FOSB: variants seen among roughly 807,000 people sequenced by gnomAD.
FOSB encodes the protein protein FosB.
FOSB carries 8 observed loss-of-function variants against 31.1 expected under a neutral mutation model. That is an observed-to-expected ratio of 0.26 (90% confidence interval 0.15 to 0.46). The LOEUF (loss-of-function observed/expected upper bound fraction) is 0.46, where lower values mean the gene tolerates loss of function less well. Ranked by LOEUF, FOSB falls within the 20% of genes least tolerant of loss-of-function variation. The pLI is 0.99. For missense variants in FOSB, 376 were observed against 460.6 expected (o/e 0.82, Z 1.68); for synonymous variants, 214 against 206.1 (o/e 1.04, Z -0.33).
Position 45,472,765 on chromosome 19 carries a change from C to A in FOSB, c.770C>A (p.Pro257Gln). ...GAAGATGGCTTCAGCTGGCTGCTGC[C>A]GCCCCCGCCACCACCGCCCCTGCCC... The part of the protein sequence containing the change: ...AKEDGFSWLL[P>Q]PPPPPPLPFQ... The change falls in exon 4 of 4, where the codon CCG becomes CAG. Residue 257 changes from proline (P) to glutamine (Q), a missense_variant. Transcript: ENST00000353609. The surrounding 1 kb of genome is among the most constrained non-coding windows in gnomAD (Gnocchi z 5.4). 1 of 1,613,846 alleles carries A rather than the reference C, an allele frequency of 6.2e-7. No homozygotes were observed. Among genetic ancestry groups the A allele is most frequent in the South Asian group, 1.1e-5 (1 of 91,068 alleles).
At chr19:45,469,175 G>T (rs1219506555) in intron 1 of FOSB, among the ~76,000 whole-genome samples, 1 of 152,220 alleles carries the variant, frequency 6.6e-6, no homozygotes, top group Non-Finnish European at 1.5e-5. Flanking sequence ...GGGAAGAGGG[G>T]CCTCGAACCC....
chr19:45,470,135 C>A (rs779115065), intron 1 of FOSB: 4 of 162,260 alleles, frequency 2.5e-5, no homozygotes, highest in Non-Finnish European at 5.4e-5. Context: ...TTGACTGGGA[C>A]CCCCGCCCCT....
In FOSB at chr19:45,470,896, C is replaced by T. The variant is rs756210224; in HGVS notation, c.394C>T (p.Pro132Ser). The change falls in exon 2 of 4, where the codon CCT (proline) becomes TCT (serine). Residue 132 changes from proline (P) to serine (S), a missense_variant. This residue lies in a region of FOSB where 193 missense variants were observed against 207.1 expected (regional missense o/e 0.93). Coordinates refer to ENST00000353609, the MANE Select transcript of FOSB (RefSeq NM_006732.3). Reference sequence around the variant, plus strand: ...TTCCACCAGCGGAACTACCAGTGGGCCTGGGCCTGCCCGCCCAGCCCGAGC... The same window carrying T: ...TTCCACCAGCGGAACTACCAGTGGGTCTGGGCCTGCCCGCCCAGCCCGAGC... ...GPSTSGTTSG[P>S]GPARPARARP... is the part of the protein sequence containing the mutation. The T allele has an allele frequency of 1.2e-6, 2 of 1,613,596 alleles. No individual in the cohort carries two copies. Among genetic ancestry groups the T allele is most frequent in the Admixed American group, 1.7e-5 (1 of 59,998 alleles).
rs1967492372 is a variant in FOSB, at chr19:45,468,365, C to G, written c.-222C>G. On this transcript the variant is annotated 5_prime_UTR_variant, in exon 1 of 4. Transcript: ENST00000353609. The surrounding 1 kb of genome is among the most constrained non-coding windows in gnomAD (Gnocchi z 4.8). Reference sequence around the variant, plus strand: ...AGGTACAGCGGCATCCTGTGGGGGCCTGGGCACCGCAGGAAGACTGCACAG... The same window carrying G: ...AGGTACAGCGGCATCCTGTGGGGGCGTGGGCACCGCAGGAAGACTGCACAG... The G allele has an allele frequency of 1.9e-6, 1 of 530,332 alleles. No individual in the cohort carries two copies. The highest frequency in any genetic ancestry group is 2.0e-5 in the African/African-American group (1 of 51,168). 32.9% of individuals were successfully genotyped at this position (530,332 alleles called of 1,614,324 possible).
chr19:45,470,472 G>C, intron 1 of FOSB, 157 bp from the exon 2 acceptor site: 1 of 695,100 alleles, frequency 1.4e-6, no homozygotes, highest in Admixed American at 2.5e-5. Flanking sequence ...GTAGTGGAAG[G>C]GTGGGTGTTG....
rs1389172962 is a variant in FOSB, at chr19:45,472,697, G to T, written c.702G>T (p.Pro234=). ...IPYEEGPGPG[P]LAEVRDLPGS... ...ACGAAGAGGGGCCCGGGCCGGGCCC[G>T]CTGGCGGAGGTGAGAGATTTGCCGG... Residue 234 remains proline, a synonymous_variant, in exon 4 of 4, where the codon CCG becomes CCT. Coordinates refer to ENST00000353609, the MANE Select transcript of FOSB (RefSeq NM_006732.3). The surrounding 1 kb of genome is among the most constrained non-coding windows in gnomAD (Gnocchi z 5.4). 4 of 1,608,210 alleles carry T rather than the reference G, an allele frequency of 2.5e-6. No individual in the cohort carries two copies. The highest frequency in any genetic ancestry group is 2.2e-5 in the South Asian group (2 of 90,574).
In FOSB at chr19:45,473,069, G is replaced by C. The variant is rs915065325; in HGVS notation, c.*57G>C. 2.7e-6 allele frequency: 4 copies of C among 1,486,654 alleles called. No homozygotes were observed. Among genetic ancestry groups the C allele is most frequent in the African/African-American group, 1.4e-5 (1 of 72,600 alleles). The allele number at this position is 1,486,654 out of a possible 1,614,324, so 92.1% of individuals were successfully genotyped here. A position where few individuals can be genotyped will look rare whatever the true frequency, so the allele number is the denominator to read the frequency against. The stretch of plus-strand genomic sequence containing the variant: ...TGGGGGAGAGAGACTTGGAAGAGGA[G>C]GAGGAGGAGGAGAAGGAGGAGAGAG... On this transcript the variant is annotated 3_prime_UTR_variant, in exon 4 of 4. Coordinates refer to ENST00000353609, the MANE Select transcript of FOSB (RefSeq NM_006732.3).
At position 45,468,429 on chromosome 19, in the gene FOSB, C is replaced by A. The variant is rs1196209686; in HGVS notation, c.-158C>A. 1.6e-5 allele frequency: 12 copies of A among 771,240 alleles called. No individual in the cohort carries two copies. The highest frequency in any genetic ancestry group is 2.3e-5 in the Non-Finnish European group (11 of 474,910). 47.8% of individuals were successfully genotyped at this position (771,240 alleles called of 1,614,324 possible). On this transcript the variant is annotated 5_prime_UTR_variant, in exon 1 of 4. Transcript: ENST00000353609. This position sits in a 1 kb window ranked among gnomAD's most constrained non-coding sequence, Gnocchi z 4.8. ...GTTGGAACGGGACGTTGCTCCTTCC[C>A]CGAGCTTCCCCGGACAGCGTACTTT...
chr19:45,470,234 C>T (rs1173935837), intron 1 of FOSB: 1 of 233,020 alleles, frequency 4.3e-6, no homozygotes, highest in East Asian at 1.0e-4. Flanking sequence ...CTCCCCTTGC[C>T]TCTGGGGTGG....
At chr19:45,471,578 A>G in intron 3 of FOSB, 1 of 320,124 alleles carries the variant, frequency 3.1e-6, no homozygotes, top group Non-Finnish European at 5.8e-6. Context: ...CCTTGAGGAG[A>G]GGGGCGCCCC....
At position 45,468,021 on chromosome 19, in the gene FOSB, A is replaced by G. The variant is rs1231640036; in HGVS notation, c.-566A>G. 1.3e-5 allele frequency: 2 copies of G among 152,236 alleles called. No homozygotes were observed. The highest frequency in any genetic ancestry group is 2.9e-5 in the Non-Finnish European group (2 of 68,050). The allele number at this position is 152,236 out of a possible 1,614,324, so 9.4% of individuals were successfully genotyped here. A position where few individuals can be genotyped will look rare whatever the true frequency, so the allele number is the denominator to read the frequency against. On this transcript the variant is annotated 5_prime_UTR_variant, in exon 1 of 4. Transcript: ENST00000353609. This position sits in a 1 kb window ranked among gnomAD's most constrained non-coding sequence, Gnocchi z 4.8. ...ATTCATAAGACTCAGAGCTACGGCC[A>G]CGGCAGGGACACGCGGAACCAAGAC... is the stretch of plus-strand genomic sequence containing the variant.
Position 45,472,903 on chromosome 19 carries a change from C to T in FOSB, c.908C>T (p.Ser303Leu). The change falls in exon 4 of 4, where the codon TCG becomes TTG. Residue 303 changes from serine (S) to leucine (L), a missense_variant. By Grantham distance (145) the Ser-to-Leu change is moderately radical (BLOSUM62 -2). Coordinates refer to ENST00000353609, the MANE Select transcript of FOSB (RefSeq NM_006732.3). The surrounding 1 kb of genome is among the most constrained non-coding windows in gnomAD (Gnocchi z 5.4). Reference protein sequence around the residue: ...FPVVNPSYTSSFVLTCPEVSA... With the variant: ...FPVVNPSYTSLFVLTCPEVSA... ...GTTGTTAACCCTTCGTACACTTCTT[C>T]GTTTGTCCTCACCTGCCCGGAGGTC... is the stretch of plus-strand genomic sequence containing the variant. The T allele has an allele frequency of 6.2e-7, 1 of 1,614,188 alleles. No homozygotes were observed. The highest frequency in any genetic ancestry group is 8.5e-7 in the Non-Finnish European group (1 of 1,180,038).
At chr19:45,471,346 T>C (rs1362792672) in intron 3 of FOSB, 45 bp downstream of exon 3, 5 of 1,328,276 alleles carry the variant, frequency 3.8e-6, no homozygotes, top group Non-Finnish European at 5.3e-6. Flanking sequence ...TGAGGGGAGC[T>C]CTCTCCCCAT....
At chr19:45,471,550 CA>C (rs978369774) in intron 3 of FOSB, 12 of 341,588 alleles carry the variant, frequency 3.5e-5, no homozygotes, top group Non-Finnish European at 6.5e-5. Flanking sequence ...CATTTCATCC[CA>C]AGGGGCCACA....
In FOSB at chr19:45,472,517, T is replaced by C. The variant is rs1003739347; in HGVS notation, c.556-34T>C. The C allele has an allele frequency of 3.4e-6, 5 of 1,461,834 alleles. No individual in the cohort carries two copies. The highest frequency in any genetic ancestry group is 3.6e-6 in the Non-Finnish European group (4 of 1,100,218). The allele number at this position is 1,461,834 out of a possible 1,614,324, so 90.6% of individuals were successfully genotyped here. A position where few individuals can be genotyped will look rare whatever the true frequency, so the allele number is the denominator to read the frequency against. ...CTGACATGCTTTTTTCTCCTTCCTCTCTCTCTTCTGTGACCTGGCCTCCCT... is the reference window on the plus strand; with the variant it reads ...CTGACATGCTTTTTTCTCCTTCCTCCCTCTCTTCTGTGACCTGGCCTCCCT... On this transcript the variant is annotated intron_variant, in intron 3 of 3. Coordinates refer to ENST00000353609, the MANE Select transcript of FOSB (RefSeq NM_006732.3). The surrounding 1 kb of genome is among the most constrained non-coding windows in gnomAD (Gnocchi z 5.4).
At position 45,472,665 on chromosome 19, in the gene FOSB, A is replaced by G; in HGVS notation, c.670A>G (p.Ile224Val). 1 of 1,599,738 alleles carries G rather than the reference A, an allele frequency of 6.3e-7. No homozygotes were observed. Among genetic ancestry groups the G allele is most frequent in the Non-Finnish European group, 8.5e-7 (1 of 1,173,944 alleles). Residue 224 changes from isoleucine (I) to valine (V), a missense_variant, in exon 4 of 4, where the codon ATC (isoleucine) becomes GTC (valine). This residue lies in a region of FOSB where 148 missense variants were observed against 170.0 expected (regional missense o/e 0.87). Transcript: ENST00000353609. The surrounding 1 kb of genome is among the most constrained non-coding windows in gnomAD (Gnocchi z 5.4). The part of the protein sequence containing the change: ...VLVAHKPGCK[I>V]PYEEGPGPGP... ...GGTGGCCCACAAACCGGGCTGCAAG[A>G]TCCCCTACGAAGAGGGGCCCGGGCC...
chr19:45,470,551 G>A, intron 1 of FOSB, 78 bp from the exon 2 acceptor site: 1 of 1,407,216 alleles, frequency 7.1e-7, no homozygotes, highest in Non-Finnish European at 9.7e-7. Flanking sequence ...GTCGGTGTGT[G>A]TTATGTGTGT....
rs1343930944 is a variant in FOSB, at chr19:45,472,917, T to C, written c.922T>C (p.Cys308Arg). The C allele has an allele frequency of 6.2e-7, 1 of 1,614,102 alleles. No individual in the cohort carries two copies. The highest frequency in any genetic ancestry group is 8.5e-7 in the Non-Finnish European group (1 of 1,180,028). ...GTACACTTCTTCGTTTGTCCTCACCTGCCCGGAGGTCTCCGCGTTCGCCGG... is the reference window on the plus strand; with the variant it reads ...GTACACTTCTTCGTTTGTCCTCACCCGCCCGGAGGTCTCCGCGTTCGCCGG... ...PSYTSSFVLT[C>R]PEVSAFAGAQ... Residue 308 changes from cysteine (C) to arginine (R), a missense_variant, in exon 4 of 4, where the codon TGC (cysteine) becomes CGC (arginine). Physicochemically the swap from Cys to Arg is radical, Grantham distance 180. Transcript: ENST00000353609. The surrounding 1 kb of genome is among the most constrained non-coding windows in gnomAD (Gnocchi z 5.4).
In FOSB at chr19:45,472,024, G is replaced by A. The variant is rs28381250; in HGVS notation, c.556-527G>A. On this transcript the variant is annotated intron_variant, in intron 3 of 3. Transcript: ENST00000353609. The surrounding 1 kb of genome is among the most constrained non-coding windows in gnomAD (Gnocchi z 5.4). Reference sequence around the variant, plus strand: ...GCAGGAGGATTGCTTGAGCCCAGGAGTTTGAGACCAGCCTGGGAAACATAG... The same window carrying A: ...GCAGGAGGATTGCTTGAGCCCAGGAATTTGAGACCAGCCTGGGAAACATAG... The A allele has an allele frequency of 0.062, 9,491 of 152,610 alleles. 404 individuals are homozygous for A. Among genetic ancestry groups the A allele is most frequent in the East Asian group, 0.2 (1,027 of 5,182 alleles). The allele number at this position is 152,610 out of a possible 1,614,324, so 9.5% of individuals were successfully genotyped here.
Sources: gnomAD v4.1 joint callset for allele counts (sites outside exome capture counted in the v4.1 genomes callset) on GRCh38, gnomAD v4.1.1 for gene constraint, gnomAD v4.1.1 regional missense constraint, Gnocchi (gnomAD v3.1) non-coding constraint, MANE v1.5 for transcripts, NCBI Gene and HGNC (gene_info 2026-07-23, HGNC 2026-07-21) for gene names.